Variants in CALHM4 observed in about 807,000 individuals in gnomAD.
CALHM4 encodes the protein calcium homeostasis modulator protein 4.
A neutral mutation model predicts 13.3 loss-of-function variants in CALHM4; 16 were observed. The observed-to-expected ratio is 1.20, with a 90% CI of 0.81 to 1.82. CALHM4 has a LOEUF of 1.82. CALHM4 is among the 40% of genes most tolerant of loss of function. CALHM4 has a pLI of 0.00. For missense variants in CALHM4, 344 were observed against 374.9 expected, an observed-to-expected ratio of 0.92 and a Z score of 0.68; for synonymous variants, 127 against 137.1, an observed-to-expected ratio of 0.93 and a Z score of 0.52.
intron 1 of CALHM4, chr6:116,543,427 T>A (rs1484979912): frequency 2.0e-6 from 3 of 1,516,874 alleles, no homozygotes; most frequent in Non-Finnish European, 2.7e-6. Flanking sequence ...AGTTTCTGGT[T>A]ATAGGCAAGT....
intron 1 of CALHM4, 132 bp downstream of exon 1, chr6:116,554,483 G>A: frequency 5.9e-6 from 5 of 843,830 alleles, no homozygotes; most frequent in Non-Finnish European, 8.8e-6. Flanking sequence ...GTTCATCAAA[G>A]TGAGTTCTAC....
Position 116,553,974 on chromosome 6 carries a change from T to C in CALHM4, c.181T>C (p.Leu61=). 6.4e-7 allele frequency: 1 copy of C among 1,550,694 alleles called. No individual in the cohort carries two copies. Among genetic ancestry groups the C allele is most frequent in the Non-Finnish European group, 8.7e-7 (1 of 1,147,016 alleles). ...YGSAFLVIPA[L]ILLVAGFALR... ...TTCTGCTTTTCTTGTCATTCCTGCC[T>C]TGATCCTTCTCGTTGCTGGCTTTGC... The change falls in exon 1 of 2, where the codon TTG becomes CTG. Residue 61 remains leucine (L), a synonymous_variant. Transcript: ENST00000368596.
At chr6:116,550,025 T>TATATAC (rs765467696), upstream of CALHM4, among the ~76,000 whole-genome samples, 10 of 96,324 alleles carry the variant, frequency 1.0e-4, no homozygotes, top group African/African-American at 4.1e-4. Flanking sequence ...TATATATATA[T>TATATAC]ACACACACAC....
At chr6:116,534,967 T>C (rs905805161) in intron 1 of CALHM4, among the ~76,000 whole-genome samples, 10 of 152,256 alleles carry the variant, frequency 6.6e-5, no homozygotes, top group African/African-American at 2.4e-4. Context: ...AAATGATAAA[T>C]TCCCCCACGT....
intron 1 of CALHM4, among the ~76,000 whole-genome samples, chr6:116,556,726 A>C (rs1774332841): frequency 6.6e-6 from 1 of 152,248 alleles, no homozygotes; most frequent in Non-Finnish European, 1.5e-5. Context: ...AAAGAAAAAA[A>C]GGATTCTAAG....
In CALHM4 at chr6:116,554,088, C is replaced by T. The variant is rs531510371; in HGVS notation, c.295C>T (p.Leu99=). ...YRRISPLECK[L]ACLRFFSITG... ...GAGAATCAGCCCCCTAGAGTGCAAG[C>T]TGGCTTGCCTTAGGTTCTTCAGCAT... The change falls in exon 1 of 2, where the codon CTG becomes TTG. Residue 99 remains leucine, a synonymous_variant. Transcript: ENST00000368596. 1.6e-5 allele frequency: 25 copies of T among 1,550,638 alleles called. No homozygotes were observed. In the East Asian group the frequency reaches 2.4e-4, roughly 15 times the overall value.
At chr6:116,541,216 A>G (rs1441466170) in intron 1 of CALHM4, among the ~76,000 whole-genome samples, 2 of 152,168 alleles carry the variant, frequency 1.3e-5, no homozygotes, top group Non-Finnish European at 2.9e-5. Flanking sequence ...AACAAGATAA[A>G]CTGAAAAACG....
intron 1 of CALHM4, among the ~76,000 whole-genome samples, chr6:116,534,787 A>G (rs931910201): frequency 8.8e-6 from 1 of 113,552 alleles, no homozygotes; most frequent in African/African-American, 3.2e-5. Flanking sequence ...TTATACTATA[A>G]AAGAAAAGTT....
upstream of CALHM4, among the ~76,000 whole-genome samples, chr6:116,552,777 T>C (rs1159183453): frequency 6.6e-6 from 1 of 152,188 alleles, no homozygotes; most frequent in East Asian, 1.9e-4. Flanking sequence ...TATAACTTTA[T>C]TAAAAACCAA....
chr6:116,547,527 C>T (rs999917712), intron 2 of CALHM4, among the ~76,000 whole-genome samples: 5 of 152,174 alleles, frequency 3.3e-5, no homozygotes, highest in Admixed American at 6.5e-5. Context: ...ACAACCTTCA[C>T]GACCACAGCT....
chr6:116,530,222 C>A (rs550305733), intron 1 of CALHM4, among the ~76,000 whole-genome samples: 2 of 152,110 alleles, frequency 1.3e-5, no homozygotes, highest in African/African-American at 2.4e-5. Flanking sequence ...AACCACCCCC[C>A]CTCCTTTTTA....
In CALHM4 at chr6:116,560,681, T is replaced by C. The variant is rs188428936; in HGVS notation, c.*2470T>C. 0.014 allele frequency among the ~76,000 whole-genome samples: 2,117 copies of C among 151,314 alleles called. 27 individuals are homozygous for C. Among genetic ancestry groups the C allele is most frequent in the Non-Finnish European group, 0.023 (1,555 of 67,694 alleles). On this transcript the variant is annotated 3_prime_UTR_variant, in exon 2 of 2. Transcript: ENST00000368596. Reference sequence around the variant, plus strand: ...GGGGGGGGGCTATGGTCTATAGCATTTTTTTGCTCCACAGCTAGTTAAATG... The same window carrying C: ...GGGGGGGGGCTATGGTCTATAGCATCTTTTTGCTCCACAGCTAGTTAAATG...
chr6:116,550,127 A>G (rs951578632), upstream of CALHM4, among the ~76,000 whole-genome samples: 1 of 151,512 alleles, frequency 6.6e-6, no homozygotes, highest in East Asian at 1.9e-4. Context: ...ATCACAGACT[A>G]CAAGTTGACA....
At chr6:116,541,228 C>T (rs1348344122) in intron 1 of CALHM4, among the ~76,000 whole-genome samples, 1 of 152,122 alleles carries the variant, frequency 6.6e-6, no homozygotes, top group African/African-American at 2.4e-5. Flanking sequence ...TGAAAAACGA[C>T]TAGATTTCCC....
chr6:116,538,974 A>G (rs1195191755), intron 1 of CALHM4, among the ~76,000 whole-genome samples: 1 of 152,058 alleles, frequency 6.6e-6, no homozygotes, highest in African/African-American at 2.4e-5. Context: ...CCTGAGCTCA[A>G]GTGATTTGCC....
intron 2 of CALHM4, chr6:116,543,988 C>A: frequency 3.4e-6 from 3 of 886,994 alleles, no homozygotes; most frequent in Non-Finnish European, 5.1e-6. Context: ...AAACTTAAGA[C>A]AATTTAGGTT....
At chr6:116,551,647 G>A (rs1003086927), upstream of CALHM4, among the ~76,000 whole-genome samples, 1 of 151,880 alleles carries the variant, frequency 6.6e-6, no homozygotes, top group Non-Finnish European at 1.5e-5. Flanking sequence ...CCAGCTTTTG[G>A]CTATTCTAAA....
At chr6:116,542,038 T>C (rs1463753190) in intron 1 of CALHM4, among the ~76,000 whole-genome samples, 2 of 152,224 alleles carry the variant, frequency 1.3e-5, no homozygotes, top group East Asian at 3.8e-4. Context: ...AAGGTATTTT[T>C]GTAGTCAAAT....
upstream of CALHM4, among the ~76,000 whole-genome samples, chr6:116,553,360 A>G (rs930344862): frequency 2.0e-5 from 3 of 152,148 alleles, no homozygotes; most frequent in African/African-American, 7.2e-5. Flanking sequence ...AATAATTTCC[A>G]TTATTCATTT....
Sources: gnomAD v4.1 joint callset for allele counts (sites outside exome capture counted in the v4.1 genomes callset) on GRCh38, gnomAD v4.1.1 for gene constraint, MANE v1.5 for transcripts, NCBI Gene and HGNC (gene_info 2026-07-23, HGNC 2026-07-21) for gene names.